The following SEMA3A variants were observed in gnomAD, a reference collection of about 807,000 sequenced individuals.
SEMA3A encodes semaphorin-3A.
SEMA3A carries 29 observed loss-of-function variants against 97.9 expected under a neutral mutation model. The ratio of observed to expected loss-of-function variants is 0.30; its 90% CI spans 0.22 to 0.40. SEMA3A has a LOEUF of 0.40. Ranked by LOEUF, SEMA3A falls within the 10% of genes least tolerant of loss-of-function variation. The pLI, the probability that SEMA3A is intolerant of heterozygous loss-of-function variation, is 1.00. For synonymous variants in SEMA3A, 321 were observed against 323.7 expected (o/e 0.99, Z 0.09); for missense variants, 763 against 951.3 (o/e 0.80, Z 2.60).
At chr7:84,076,808 A>G (rs1793966718) in intron 4 of SEMA3A, among the ~76,000 whole-genome samples, 1 of 152,140 alleles carries the variant, frequency 6.6e-6, no homozygotes, top group Non-Finnish European at 1.5e-5. Context: ...CAGAGCCCTT[A>G]GAGTTGGATT....
chr7:84,224,486 T>C (rs1213881940), intron 3 of SEMA3A, among the ~76,000 whole-genome samples: 1 of 152,032 alleles, frequency 6.6e-6, no homozygotes, highest in East Asian at 1.9e-4. Flanking sequence ...CACTTAATTT[T>C]TTGCTCTATT....
chr7:84,123,925 T>A (rs1301500731), intron 3 of SEMA3A, among the ~76,000 whole-genome samples: 1 of 152,002 alleles, frequency 6.6e-6, no homozygotes, highest in East Asian at 1.9e-4. Context: ...TTGCTTGAAT[T>A]ACAGCTGCTG....
At chr7:84,484,706 C>A (rs1257337287) in intron 1 of SEMA3A, among the ~76,000 whole-genome samples, 1 of 152,010 alleles carries the variant, frequency 6.6e-6, no homozygotes, top group Non-Finnish European at 1.5e-5. Flanking sequence ...CATAAAAGTG[C>A]CAAAGTAGAA....
chr7:84,186,556 G>A (rs1005322982), intron 1 of SEMA3A, among the ~76,000 whole-genome samples: 1 of 152,198 alleles, frequency 6.6e-6, no homozygotes, highest in Admixed American at 6.5e-5. Context: ...TTGACAGCTT[G>A]ATTTGACCTC....
At chr7:84,300,199 T>C (rs967254596) in intron 3 of SEMA3A, among the ~76,000 whole-genome samples, 1 of 151,182 alleles carries the variant, frequency 6.6e-6, no homozygotes, top group Non-Finnish European at 1.5e-5. Flanking sequence ...ATTAAAGAAG[T>C]CAAATATCAT....
chr7:84,309,577 G>T (rs553675512), intron 2 of SEMA3A, among the ~76,000 whole-genome samples: 13 of 152,196 alleles, frequency 8.5e-5, no homozygotes, highest in Admixed American at 2.6e-4. Context: ...GCTAGCAATG[G>T]GTCAGCCTTT....
chr7:84,002,017 T>C lies in SEMA3A; in HGVS notation c.1390A>G (p.Ile464Val). 6.2e-7 allele frequency: 1 copy of C among 1,611,574 alleles called. No homozygotes were observed. The change falls in exon 12 of 17, where the codon ATT (isoleucine) becomes GTT (valine). Residue 464 changes from isoleucine (I) to valine (V), a missense_variant. Ile to Val is a conservative substitution (Grantham distance 29). This residue lies in a region of SEMA3A where 678 missense variants were observed against 881.3 expected (regional missense o/e 0.77). Transcript: ENST00000265362. ...DVGTVLKVVS[I>V]PKETWYDLEE... is the part of the protein sequence containing the mutation. ...AAATCATACCAAGTCTCCTTAGGAA[T>C]TGAAACTACTTTAAGAACGGTCCCA...
intron 1 of SEMA3A, among the ~76,000 whole-genome samples, chr7:84,145,112 T>C (rs755365175): frequency 1.2e-4 from 19 of 152,136 alleles, no homozygotes; most frequent in Non-Finnish European, 2.2e-4. Context: ...ATCTCCCCAA[T>C]GCTTTCCATC....
chr7:83,978,098 G>A (rs1789239595), intron 14 of SEMA3A, among the ~76,000 whole-genome samples: 1 of 151,850 alleles, frequency 6.6e-6, no homozygotes, highest in South Asian at 2.1e-4. Flanking sequence ...CACTGCGCCT[G>A]GCCATATCAA....
intron 4 of SEMA3A, among the ~76,000 whole-genome samples, chr7:84,064,853 C>A (rs1457138870): frequency 1.3e-5 from 2 of 151,570 alleles, no homozygotes; most frequent in African/African-American, 2.4e-5. Flanking sequence ...CAACATTAGA[C>A]AGATCAACGA....
intron 4 of SEMA3A, among the ~76,000 whole-genome samples, chr7:84,064,872 G>A (rs1229378792): frequency 3.9e-5 from 6 of 151,952 alleles, no homozygotes; most frequent in Non-Finnish European, 2.9e-5. Flanking sequence ...GAGACAGAAA[G>A]TCAACAAGGA....
intron 4 of SEMA3A, among the ~76,000 whole-genome samples, chr7:84,062,667 C>T (rs563310677): frequency 1.3e-5 from 2 of 152,282 alleles, no homozygotes; most frequent in East Asian, 1.9e-4. Flanking sequence ...CAGACGGCAC[C>T]TGGAAAATCC....
At chr7:84,348,229 A>G (rs1467067579) in intron 2 of SEMA3A, among the ~76,000 whole-genome samples, 1 of 152,196 alleles carries the variant, frequency 6.6e-6, no homozygotes, top group African/African-American at 2.4e-5. Flanking sequence ...AAGGAAATAA[A>G]TAACATTTAT....
chr7:84,429,255 TTC>T (rs1234732068), intron 1 of SEMA3A, among the ~76,000 whole-genome samples: 1 of 151,582 alleles, frequency 6.6e-6, no homozygotes, highest in East Asian at 1.9e-4. Context: ...TACAAAACAT[TTC>T]TGTGCTTTTC....
In SEMA3A at chr7:84,046,384, G is replaced by A; in HGVS notation, c.607C>T (p.Arg203Ter). ...DFMGRDFAIF[R>*]TLGHHHPIRT... is the part of the protein sequence containing the mutation. ...ATTGGGTGGTGGTGCCCAAGAGTTC[G>A]GAAGATAGCAAAGTCTCGCCCCATA... Residue 203 changes from arginine (R) to a stop codon, truncating the protein, a stop_gained, in exon 6 of 17, where the codon CGA (arginine) becomes TGA (stop). Coordinates refer to ENST00000265362, the MANE Select transcript of SEMA3A (RefSeq NM_006080.3). LOFTEE classifies it high-confidence loss of function. 1.2e-6 allele frequency: 2 copies of A among 1,613,174 alleles called. No individual in the cohort carries two copies. Among genetic ancestry groups the A allele is most frequent in the Non-Finnish European group, 1.7e-6 (2 of 1,179,398 alleles).
At chr7:84,011,825 A>G (rs536596637) in intron 7 of SEMA3A, among the ~76,000 whole-genome samples, 34 of 152,316 alleles carry the variant, frequency 2.2e-4, no homozygotes, top group African/African-American at 7.5e-4. Flanking sequence ...ATTATTACAC[A>G]TTATATTCAA....
At chr7:84,349,781 C>T (rs1440918288) in intron 2 of SEMA3A, among the ~76,000 whole-genome samples, 3 of 152,132 alleles carry the variant, frequency 2.0e-5, no homozygotes, top group Non-Finnish European at 4.4e-5. Flanking sequence ...TTATTGTTAG[C>T]TTGTCTTAGA....
intron 5 of SEMA3A, among the ~76,000 whole-genome samples, chr7:84,050,721 C>T (rs545242043): frequency 6.6e-6 from 1 of 152,074 alleles, no homozygotes; most frequent in South Asian, 2.1e-4. Flanking sequence ...TAATTAGATC[C>T]CATTTGTTGA....
intron 3 of SEMA3A, among the ~76,000 whole-genome samples, chr7:84,219,458 C>CA (rs1307127766): frequency 6.6e-6 from 1 of 152,128 alleles, no homozygotes. Context: ...CTGGCCTCAT[C>CA]ATGTATAGTC....
Sources: allele counts gnomAD v4.1 joint callset (sites outside exome capture counted in the v4.1 genomes callset), GRCh38; gene constraint gnomAD v4.1.1; regional missense constraint gnomAD v4.1.1; transcripts MANE v1.5; gene names NCBI Gene and HGNC (gene_info 2026-07-23, HGNC 2026-07-21).